The following ROBO1 variants were observed in gnomAD, a reference collection of about 807,000 sequenced individuals.
ROBO1 encodes the protein roundabout homolog 1.
ROBO1 carries 149 observed loss-of-function variants against 195.9 expected under a neutral mutation model. The ratio of observed to expected loss-of-function variants is 0.76; its 90% CI spans 0.67 to 0.87. ROBO1 has a LOEUF of 0.87. ROBO1 is among the 40% of genes least tolerant of loss of function. The pLI, the probability that ROBO1 is intolerant of heterozygous loss-of-function variation, is 0.00. For missense variants in ROBO1, 1,933 were observed against 2,068.3 expected (o/e 0.93, Z 1.27); for synonymous variants, 816 against 733.2 (o/e 1.11, Z -1.82).
chr3:78,768,648 CT>C (rs71631617), intron 4 of ROBO1, among the ~76,000 whole-genome samples: 37,684 of 145,810 alleles, frequency 0.26, 4,851 homozygotes, highest in East Asian at 0.49. Context: ...GCAGTATGTT[CT>C]TTTTTTTTTT....
intron 4 of ROBO1, among the ~76,000 whole-genome samples, chr3:78,891,647 T>C (rs2107370397): frequency 6.6e-6 from 1 of 152,322 alleles, no homozygotes; most frequent in East Asian, 1.9e-4. Flanking sequence ...TGATAATGTG[T>C]TAGCAACATA....
At chr3:79,653,479 A>T (rs549857047) in intron 1 of ROBO1, among the ~76,000 whole-genome samples, 1 of 151,984 alleles carries the variant, frequency 6.6e-6, no homozygotes, top group South Asian at 2.1e-4. Flanking sequence ...ATTTTTTTTC[A>T]CAAGGGATTT....
chr3:79,277,549 A>T (rs1159915505), intron 2 of ROBO1, among the ~76,000 whole-genome samples: 1 of 152,068 alleles, frequency 6.6e-6, no homozygotes, highest in East Asian at 1.9e-4. Flanking sequence ...AATAAATAAG[A>T]TCTAGCATTT....
chr3:78,767,554 C>G (rs993558639), intron 4 of ROBO1, among the ~76,000 whole-genome samples: 1 of 152,204 alleles, frequency 6.6e-6, no homozygotes, highest in Non-Finnish European at 1.5e-5. Flanking sequence ...GCATGAGCCA[C>G]TGTGCCCAGC....
chr3:78,760,611 A>C (rs1227425646), intron 4 of ROBO1, among the ~76,000 whole-genome samples: 2 of 152,112 alleles, frequency 1.3e-5, no homozygotes, highest in African/African-American at 4.8e-5. Context: ...CATTTCATAA[A>C]TTTGAGGTGA....
chr3:78,939,689 T>C (rs950921260), intron 3 of ROBO1, among the ~76,000 whole-genome samples: 1 of 151,454 alleles, frequency 6.6e-6, no homozygotes, highest in Non-Finnish European at 1.5e-5. Context: ...ATACTAGAAC[T>C]GTCCTTTATG....
chr3:79,624,234 T>C (rs1945096554), intron 1 of ROBO1, among the ~76,000 whole-genome samples: 2 of 151,898 alleles, frequency 1.3e-5, no homozygotes. Context: ...TACCAACCAC[T>C]TCAAAAAAAC....
At chr3:79,460,941 G>C (rs897396813) in intron 2 of ROBO1, among the ~76,000 whole-genome samples, 1 of 151,326 alleles carries the variant, frequency 6.6e-6, no homozygotes, top group Non-Finnish European at 1.5e-5. Flanking sequence ...GTAGAGACGG[G>C]GTTTCACCTT....
intron 1 of ROBO1, among the ~76,000 whole-genome samples, chr3:79,726,458 T>G (rs1702930109): frequency 6.6e-6 from 1 of 152,230 alleles, no homozygotes; most frequent in Non-Finnish European, 1.5e-5. Flanking sequence ...CTGACATATA[T>G]TTAAATAAAT....
intron 1 of ROBO1, among the ~76,000 whole-genome samples, chr3:79,627,136 T>C (rs1945204118): frequency 6.6e-6 from 1 of 152,114 alleles, no homozygotes; most frequent in South Asian, 2.1e-4. Context: ...CTACACAGAA[T>C]TAGAAAAAAA....
chr3:79,126,485 T>C (rs536222180), intron 2 of ROBO1, among the ~76,000 whole-genome samples: 1 of 152,270 alleles, frequency 6.6e-6, no homozygotes, highest in South Asian at 2.1e-4. Flanking sequence ...TGGTGCACAC[T>C]CTACCTGTCA....
chr3:79,559,887 A>C (rs9812955), intron 2 of ROBO1, among the ~76,000 whole-genome samples: 22,428 of 152,066 alleles, frequency 0.15, 2,124 homozygotes, highest in African/African-American at 0.26. Context: ...ATTGCACTCC[A>C]GCCTGGGTGA....
At chr3:79,684,976 T>C (rs768683240) in intron 1 of ROBO1, among the ~76,000 whole-genome samples, 75 of 152,034 alleles carry the variant, frequency 4.9e-4, no homozygotes, top group Non-Finnish European at 8.5e-4. Flanking sequence ...TTTTAAGTAG[T>C]ATAATGTGGC....
intron 3 of ROBO1, among the ~76,000 whole-genome samples, chr3:79,072,894 G>A (rs888518083): frequency 1.3e-5 from 2 of 151,844 alleles, no homozygotes; most frequent in Non-Finnish European, 2.9e-5. Flanking sequence ...TGCCTAATCT[G>A]CCTTGGGTAT....
At chr3:79,526,697 C>G (rs906847180) in intron 2 of ROBO1, 4 of 152,152 alleles carry the variant, frequency 2.6e-5, no homozygotes, top group Admixed American at 2.6e-4. Context: ...TTCATGAGAA[C>G]TGAATTTTTG....
intron 4 of ROBO1, among the ~76,000 whole-genome samples, chr3:78,909,009 A>G (rs533801740): frequency 6.6e-5 from 10 of 152,026 alleles, no homozygotes; most frequent in African/African-American, 2.4e-4. Flanking sequence ...AGCAACTTAA[A>G]GATTACCTTT....
intron 2 of ROBO1, among the ~76,000 whole-genome samples, chr3:79,428,621 G>T (rs1317467090): frequency 6.6e-6 from 1 of 152,074 alleles, no homozygotes; most frequent in Non-Finnish European, 1.5e-5. Flanking sequence ...CAGCAATTCT[G>T]CTCTTAGAAG....
intron 2 of ROBO1, among the ~76,000 whole-genome samples, chr3:79,374,567 T>A (rs946842592): frequency 1.1e-4 from 17 of 152,156 alleles, no homozygotes; most frequent in Non-Finnish European, 2.2e-4. Context: ...TTTGGTTTAA[T>A]TTGATAATAT....
chr3:79,396,702 A>T lies in ROBO1; in HGVS notation c.88+193122T>A, dbSNP rs2037168573. On this transcript the variant is annotated intron_variant, in intron 2 of 30. Coordinates refer to ENST00000464233, the MANE Select transcript of ROBO1 (RefSeq NM_002941.4). ...TTAGATCCATTGTAAATGTTAGCTG[A>T]GTACAACTGTAAAATGAGTCAAAAG... 2.0e-5 allele frequency among the ~76,000 whole-genome samples: 3 copies of T among 152,154 alleles called. No homozygotes were observed. The South Asian group carries it at 6.2e-4, about 31-fold the overall frequency.
Sources: gnomAD v4.1 joint callset for allele counts (sites outside exome capture counted in the v4.1 genomes callset) on GRCh38, gnomAD v4.1.1 for gene constraint, MANE v1.5 for transcripts, NCBI Gene and HGNC (gene_info 2026-07-23, HGNC 2026-07-21) for gene names.